The following CASKIN1 variants were observed in gnomAD, a reference collection of about 807,000 sequenced individuals.
CASKIN1 encodes caskin-1.
CASKIN1 carries 42 observed loss-of-function variants against 117.5 expected under a neutral mutation model. The observed-to-expected ratio is 0.36, with a 90% CI of 0.28 to 0.46. The LOEUF (loss-of-function observed/expected upper bound fraction) is 0.46, where lower values mean the gene tolerates loss of function less well. Ranked by LOEUF, CASKIN1 falls within the 20% of genes least tolerant of loss-of-function variation. The pLI is 1.00. For synonymous variants in CASKIN1, 1,148 were observed against 961.7 expected (o/e 1.19, Z -3.59); for missense variants, 2,083 against 2,077.3 (o/e 1.00, Z -0.05).
rs2093175581 is a variant in CASKIN1, at chr16:2,183,846, G to A, written c.1512C>T (p.Ser504=). 5 of 1,612,776 alleles carry A rather than the reference G, an allele frequency of 3.1e-6. No individual in the cohort carries two copies. The highest frequency in any genetic ancestry group is 1.1e-5 in the South Asian group (1 of 91,060). ...ISAGYDLPTI[S]RMTPEDLTAI... ...GAAAGCTCACCTCGGGAGTCATGCG[G>A]CTGATGGTGGGCAGGTCGTAGCCGG... The change falls in exon 15 of 20, where the codon AGC becomes AGT. Residue 504 remains serine (S), a synonymous_variant. Transcript: ENST00000343516.
intron 1 of CASKIN1, among the ~76,000 whole-genome samples, chr16:2,193,022 T>C (rs1205173607): frequency 6.6e-6 from 1 of 151,484 alleles, no homozygotes; most frequent in East Asian, 1.9e-4. Flanking sequence ...ATTCTTTTTC[T>C]TTTTTTTTAT....
Position 2,190,183 on chromosome 16 carries a change from G to GAGGACACAT in CASKIN1, c.147-22_147-14dup. ...CAGAGCCGAGAAGCTGGCACGTGCA[G>GAGGACACAT]AGGACACATAGAGCAGAGGCCCTGG... On this transcript the variant is annotated splice_polypyrimidine_tract_variant and intron_variant, in intron 2 of 19. Transcript: ENST00000343516. 2 of 1,612,724 alleles carry GAGGACACAT rather than the reference G, an allele frequency of 1.2e-6. No homozygotes were observed. Among genetic ancestry groups the GAGGACACAT allele is most frequent in the African/African-American group, 2.7e-5 (2 of 75,056 alleles).
In CASKIN1 at chr16:2,180,515, C is replaced by T. The variant is rs2093163890; in HGVS notation, c.2853G>A (p.Lys951=). The change falls in exon 18 of 20, where the codon AAG becomes AAA. Residue 951 remains lysine (K), a synonymous_variant. Coordinates refer to ENST00000343516, the MANE Select transcript of CASKIN1 (RefSeq NM_020764.4). ...CACTAGCCAGGGCCGAGCTGGAGCG[C>T]TTGGGTGGGGGCGGCGGGGGCCCCT... ...RKKGPPPPPP[K]RSSSALASAN... The T allele has an allele frequency of 1.9e-6, 3 of 1,552,788 alleles. No homozygotes were observed. The highest frequency in any genetic ancestry group is 2.6e-6 in the Non-Finnish European group (3 of 1,155,334).
rs553189788 is a variant in CASKIN1, at chr16:2,182,317, G to A, written c.1630-388C>T. 3.3e-5 allele frequency among the ~76,000 whole-genome samples: 5 copies of A among 151,968 alleles called. No individual in the cohort carries two copies. Among genetic ancestry groups the A allele is most frequent in the South Asian group, 4.2e-4 (2 of 4,804 alleles). ...AACACGCACATGATTTGCACGCTGC[G>A]CTCCCAGCCGTGCACAGGCACCAGC... On this transcript the variant is annotated intron_variant, in intron 16 of 19. Transcript: ENST00000343516. The surrounding 1 kb of genome is among the most constrained non-coding windows in gnomAD (Gnocchi z 4.1).
In CASKIN1 at chr16:2,196,336, C is replaced by A; in HGVS notation, c.94+3G>T. ...ACCCGCGCCCCGCGCCCCCGGCACT[C>A]ACTGGCCTTCCCGGGCCGCGGCCTC... On this transcript the variant is annotated splice_donor_region_variant and intron_variant, in intron 1 of 19. Coordinates refer to ENST00000343516, the MANE Select transcript of CASKIN1 (RefSeq NM_020764.4). The surrounding 1 kb of genome is among the most constrained non-coding windows in gnomAD (Gnocchi z 5.7). The A allele has an allele frequency of 7.9e-7, 1 of 1,266,862 alleles. No individual in the cohort carries two copies. The highest frequency in any genetic ancestry group is 1.9e-5 in the South Asian group (1 of 52,714). The allele number at this position is 1,266,862 out of a possible 1,614,324, so 78.5% of individuals were successfully genotyped here.
At position 2,189,137 on chromosome 16, in the gene CASKIN1, G is replaced by A. The variant is rs745789448; in HGVS notation, c.507C>T (p.Ser169=). 6.2e-6 allele frequency: 10 copies of A among 1,613,120 alleles called. No individual in the cohort carries two copies. The highest frequency in any genetic ancestry group is 1.3e-5 in the African/African-American group (1 of 75,038). ...CCAGCAGCGCCGCACACATATTGCT[G>A]CTGAGGAGCAGCTGGACCACCTTGA... The part of the protein sequence containing the change: ...GRVGVVQLLL[S]SNMCAALLEP... The change falls in exon 6 of 20, where the codon AGC becomes AGT. Residue 169 remains serine, a synonymous_variant. Transcript: ENST00000343516.
chr16:2,190,359 C>G lies in CASKIN1; in HGVS notation c.95-1G>C. ...ATCTTCTTGGTGGAACCCAGGAGCT[C>G]TGGGGATGGAAGGAGACTCAGTGAG... is the stretch of plus-strand genomic sequence containing the variant. On this transcript the variant is annotated splice_acceptor_variant, in intron 1 of 19. Transcript: ENST00000343516. LOFTEE classifies it high-confidence loss of function. 1 of 1,570,182 alleles carries G rather than the reference C, an allele frequency of 6.4e-7. No individual in the cohort carries two copies. The highest frequency in any genetic ancestry group is 8.6e-7 in the Non-Finnish European group (1 of 1,157,056).
rs1484585930 is a variant in CASKIN1 at position 2,187,189 on chromosome 16, C to T, written c.812G>A (p.Arg271Lys). The change falls in exon 8 of 20, where the codon AGG becomes AAG. Residue 271 changes from arginine to lysine, a missense_variant. Around this residue, in one of 3 missense-constraint regions of CASKIN1, gnomAD observed 203 missense variants for 338.7 expected, o/e 0.60. Coordinates refer to ENST00000343516, the MANE Select transcript of CASKIN1 (RefSeq NM_020764.4). ...VHQFTTSQAS[R>K]EIKQLLREAS... ...ACCTCGCAACAGCTGCTTGATCTCCCTGCTGGCCTGGGACGTGGTGAACTG... is the reference window on the plus strand; with the variant it reads ...ACCTCGCAACAGCTGCTTGATCTCCTTGCTGGCCTGGGACGTGGTGAACTG... 2 of 1,614,034 alleles carry T rather than the reference C, an allele frequency of 1.2e-6. No individual in the cohort carries two copies. Among genetic ancestry groups the T allele is most frequent in the Non-Finnish European group, 8.5e-7 (1 of 1,179,978 alleles).
intron 6 of CASKIN1, 160 bp downstream of exon 6, chr16:2,188,867 G>C: frequency 9.7e-7 from 1 of 1,026,138 alleles, no homozygotes; most frequent in African/African-American, 1.6e-5. Context: ...AGCTCATCCT[G>C]TACATGGGCC....
In CASKIN1 at chr16:2,177,651, C is replaced by T. The variant is rs747263513; in HGVS notation, c.*899G>A. The T allele has an allele frequency of 8.3e-5, 20 of 239,756 alleles. No homozygotes were observed. The highest frequency in any genetic ancestry group is 1.5e-4 in the Non-Finnish European group (18 of 121,822). 14.9% of individuals were successfully genotyped at this position (239,756 alleles called of 1,614,324 possible). On this transcript the variant is annotated 3_prime_UTR_variant, in exon 20 of 20. Coordinates refer to ENST00000343516, the MANE Select transcript of CASKIN1 (RefSeq NM_020764.4). ...CTGGAGAGGGGGCCAGGCACACCCT[C>T]AGAGGAGCTGCAAGCCCGTGGCCTG...
intron 10 of CASKIN1, among the ~76,000 whole-genome samples, chr16:2,186,416 G>T (rs2093184594): frequency 6.6e-6 from 1 of 152,174 alleles, no homozygotes; most frequent in Non-Finnish European, 1.5e-5. Context: ...GCTGTCCCCT[G>T]CCCTCTCCTG....
Position 2,179,405 on chromosome 16 carries a change from T to TTGG in CASKIN1, c.3776-81_3776-80insCCA. The TTGG allele has an allele frequency of 7.7e-7, 1 of 1,306,728 alleles. No individual in the cohort carries two copies. The highest frequency in any genetic ancestry group is 2.5e-5 in the South Asian group (1 of 39,950). 80.9% of individuals were successfully genotyped at this position (1,306,728 alleles called of 1,614,324 possible). A position where few individuals can be genotyped will look rare whatever the true frequency, so the allele number is the denominator to read the frequency against. The stretch of plus-strand genomic sequence containing the variant: ...CCTGCCCCAGCCTCCCGCGGCTTCC[T>TTGG]CCCCAGCGGACCGGGAAAGACCCTG... On this transcript the variant is annotated intron_variant, in intron 18 of 19. Coordinates refer to ENST00000343516, the MANE Select transcript of CASKIN1 (RefSeq NM_020764.4). This position sits in a 1 kb window ranked among gnomAD's most constrained non-coding sequence, Gnocchi z 5.8.
intron 10 of CASKIN1, among the ~76,000 whole-genome samples, chr16:2,186,374 C>T (rs1035479382): frequency 2.0e-5 from 3 of 152,204 alleles, no homozygotes; most frequent in Non-Finnish European, 4.4e-5. Context: ...CCTCCCTGTG[C>T]TCCGGGTCAC....
At position 2,180,536 on chromosome 16, in the gene CASKIN1, C is replaced by A; in HGVS notation, c.2832G>T (p.Gly944=). The A allele has an allele frequency of 6.5e-7, 1 of 1,533,888 alleles. No individual in the cohort carries two copies. Among genetic ancestry groups the A allele is most frequent in the Non-Finnish European group, 8.7e-7 (1 of 1,147,512 alleles). ...AGCGCTTGGGTGGGGGCGGCGGGGG[C>A]CCCTTCTTTCGGGGCCGCACGGCAA... ...QSFAVRPRKK[G]PPPPPPKRSS... The change falls in exon 18 of 20, where the codon GGG becomes GGT. Residue 944 remains glycine, a synonymous_variant. Transcript: ENST00000343516.
intron 1 of CASKIN1, among the ~76,000 whole-genome samples, chr16:2,194,096 C>T (rs2093208729): frequency 6.6e-6 from 1 of 152,214 alleles, no homozygotes; most frequent in African/African-American, 2.4e-5. Flanking sequence ...CCTGTCCCCA[C>T]CTCTGGGGTC....
At position 2,182,135 on chromosome 16, in the gene CASKIN1, GCGCACACA is replaced by G. The variant is rs1472534522; in HGVS notation, c.1630-214_1630-207del. Reference sequence around the variant, plus strand: ...ACTGCATGCCGCATATCGCACACATGCGCACACACGCACGGCTGCCCACATCCACAGGA... The same window carrying G: ...ACTGCATGCCGCATATCGCACACATGCGCACGGCTGCCCACATCCACAGGA... On this transcript the variant is annotated intron_variant, in intron 16 of 19. Coordinates refer to ENST00000343516, the MANE Select transcript of CASKIN1 (RefSeq NM_020764.4). This position sits in a 1 kb window ranked among gnomAD's most constrained non-coding sequence, Gnocchi z 4.1. Among the ~76,000 whole-genome samples, 9 of 152,226 alleles carry G rather than the reference GCGCACACA, an allele frequency of 5.9e-5. No individual in the cohort carries two copies. Among genetic ancestry groups the G allele is most frequent in the African/African-American group, 1.9e-4 (8 of 41,518 alleles).
At position 2,181,151 on chromosome 16, in the gene CASKIN1, G is replaced by A. The variant is rs780627907; in HGVS notation, c.2217C>T (p.Pro739=). The A allele has an allele frequency of 8.7e-6, 13 of 1,492,598 alleles. No homozygotes were observed. The South Asian group carries it at 1.6e-4, about 19-fold the overall frequency. 92.5% of individuals were successfully genotyped at this position (1,492,598 alleles called of 1,614,324 possible). ...CGTGGCGGCCGGGCCGGGCCTCCCT[G>A]GGCGGGGTGCCGGGGGCGGGGCCCT... ...LDEGPAPGTP[P]REARPGRHGH... Residue 739 remains proline (P), a synonymous_variant, in exon 18 of 20, where the codon CCC becomes CCT. Transcript: ENST00000343516.
At chr16:2,195,708 C>A (rs2093213738) in intron 1 of CASKIN1, among the ~76,000 whole-genome samples, 3 of 152,210 alleles carry the variant, frequency 2.0e-5, no homozygotes, top group Non-Finnish European at 2.9e-5. Context: ...GAGCAGGGCC[C>A]CAAGCCCTTG....
At position 2,189,119 on chromosome 16, in the gene CASKIN1, C is replaced by T. The variant is rs559267991; in HGVS notation, c.525G>A (p.Ala175=). 9.3e-6 allele frequency: 15 copies of T among 1,613,354 alleles called. No individual in the cohort carries two copies. The highest frequency in any genetic ancestry group is 1.7e-4 in the Middle Eastern group (1 of 6,040). ...QLLLSSNMCA[A]LLEPRPGDAT... ...CGTCTCCCGGCCGGGGCTCCAGCAG[C>T]GCCGCACACATATTGCTGCTGAGGA... Residue 175 remains alanine, a synonymous_variant, in exon 6 of 20, where the codon GCG becomes GCA. Coordinates refer to ENST00000343516, the MANE Select transcript of CASKIN1 (RefSeq NM_020764.4).
Sources: gnomAD v4.1 joint callset for allele counts (sites outside exome capture counted in the v4.1 genomes callset) on GRCh38, gnomAD v4.1.1 for gene constraint, gnomAD v4.1.1 regional missense constraint, Gnocchi (gnomAD v3.1) non-coding constraint, MANE v1.5 for transcripts, NCBI Gene and HGNC (gene_info 2026-07-23, HGNC 2026-07-21) for gene names.